The following TRAPPC9 variants were observed in gnomAD, a reference collection of about 807,000 sequenced individuals.
The protein encoded by TRAPPC9 is trafficking protein particle complex subunit 9.
TRAPPC9 carries 83 observed loss-of-function variants against 124.0 expected under a neutral mutation model. The observed-to-expected ratio is 0.67, with a 90% CI of 0.56 to 0.80. The LOEUF (loss-of-function observed/expected upper bound fraction) is 0.80, where lower values mean the gene tolerates loss of function less well. TRAPPC9 is among the 30% of genes least tolerant of loss of function. The pLI is 0.00. For missense variants in TRAPPC9, 1,302 were observed against 1,508.3 expected, an observed-to-expected ratio of 0.86 and a Z score of 2.27; for synonymous variants, 638 against 617.5, an observed-to-expected ratio of 1.03 and a Z score of -0.49.
At chr8:139,929,536 G>A (rs997764955) in intron 19 of TRAPPC9, among the ~76,000 whole-genome samples, 1 of 151,928 alleles carries the variant, frequency 6.6e-6, no homozygotes, top group Non-Finnish European at 1.5e-5. Context: ...AAAAAAAGCT[G>A]AGCTGTCCTG....
intron 17 of TRAPPC9, among the ~76,000 whole-genome samples, chr8:140,141,363 T>TA (rs1424068643): frequency 6.6e-6 from 1 of 152,238 alleles, no homozygotes; most frequent in African/African-American, 2.4e-5. Flanking sequence ...ATCCACACTG[T>TA]AGACACTCTC....
At chr8:139,941,552 C>T (rs1336360960) in intron 19 of TRAPPC9, among the ~76,000 whole-genome samples, 6 of 152,212 alleles carry the variant, frequency 3.9e-5, no homozygotes, top group Admixed American at 1.3e-4. Flanking sequence ...TCCTGTTTAG[C>T]CTTAACAAAG....
At chr8:140,072,254 G>C (rs1362504334) in intron 17 of TRAPPC9, among the ~76,000 whole-genome samples, 2 of 152,204 alleles carry the variant, frequency 1.3e-5, no homozygotes, top group African/African-American at 2.4e-5. Context: ...TGAAGAGGCA[G>C]CCGGGCACAG....
At chr8:140,221,847 A>G (rs555729693) in intron 16 of TRAPPC9, among the ~76,000 whole-genome samples, 1 of 152,282 alleles carries the variant, frequency 6.6e-6, no homozygotes, top group Admixed American at 6.5e-5. Context: ...CACGTTGCCC[A>G]GGCTGGTTTT....
intron 21 of TRAPPC9, among the ~76,000 whole-genome samples, chr8:139,760,806 C>A (rs1026393997): frequency 6.6e-6 from 1 of 152,226 alleles, no homozygotes; most frequent in Non-Finnish European, 1.5e-5. Flanking sequence ...GTGAGACCCA[C>A]TCACTATGAT....
At chr8:140,283,800 G>A in intron 14 of TRAPPC9, 89 bp downstream of exon 14, 1 of 1,399,238 alleles carries the variant, frequency 7.1e-7, no homozygotes, top group South Asian at 1.2e-5. Flanking sequence ...AAGAATTACA[G>A]GCTCTTTGTG....
chr8:140,266,871 A>C (rs181404633), intron 15 of TRAPPC9, among the ~76,000 whole-genome samples: 17 of 151,972 alleles, frequency 1.1e-4, no homozygotes, highest in South Asian at 8.3e-4. Flanking sequence ...ACAACAACAA[A>C]AAAAAACCCA....
chr8:140,044,394 A>G (rs1841456106), intron 17 of TRAPPC9, among the ~76,000 whole-genome samples: 1 of 152,216 alleles, frequency 6.6e-6, no homozygotes, highest in Non-Finnish European at 1.5e-5. Flanking sequence ...TGGGCCGGTA[A>G]AGAAACCGTG....
intron 22 of TRAPPC9, 37 bp from the exon 23 acceptor site, chr8:139,731,265 G>A (rs748756924): frequency 1.8e-5 from 29 of 1,608,204 alleles, no homozygotes; most frequent in African/African-American, 2.7e-5. Context: ...AGTCTGGTCA[G>A]CAGCAGGGGC....
intron 17 of TRAPPC9, among the ~76,000 whole-genome samples, chr8:140,188,104 C>T (rs2062392412): frequency 6.6e-6 from 1 of 152,194 alleles, no homozygotes; most frequent in Non-Finnish European, 1.5e-5. Context: ...CCATCCTGGC[C>T]TCCCAGAGAT....
intron 17 of TRAPPC9, among the ~76,000 whole-genome samples, chr8:140,036,719 C>G (rs1319827139): frequency 6.6e-6 from 1 of 152,126 alleles, no homozygotes; most frequent in East Asian, 1.9e-4. Flanking sequence ...GAGCAGGGAG[C>G]CCATCTGTCC....
At chr8:140,391,487 T>G (rs1588270007) in intron 7 of TRAPPC9, among the ~76,000 whole-genome samples, 1 of 151,754 alleles carries the variant, frequency 6.6e-6, no homozygotes, top group Admixed American at 6.6e-5. Flanking sequence ...CCAAGGCAGG[T>G]GGATCACCTA....
Position 139,730,670 on chromosome 8 carries a change from T to C in TRAPPC9, c.*391A>G, listed in dbSNP as rs781519625. 2 of 239,792 alleles carry C rather than the reference T, an allele frequency of 8.3e-6. No homozygotes were observed. Among genetic ancestry groups the C allele is most frequent in the Non-Finnish European group, 1.6e-5 (2 of 121,796 alleles). The allele number at this position is 239,792 out of a possible 1,614,324, so 14.9% of individuals were successfully genotyped here. A position where few individuals can be genotyped will look rare whatever the true frequency, so the allele number is the denominator to read the frequency against. On this transcript the variant is annotated 3_prime_UTR_variant, in exon 23 of 23. Transcript: ENST00000438773. ...GTCTCATGCTCACCATTTCTTTCTA[T>C]GGCCAAAGGGAAGTCGCTGGACGAG... is the stretch of plus-strand genomic sequence containing the variant.
chr8:139,748,698 C>T (rs1819120888), intron 21 of TRAPPC9, among the ~76,000 whole-genome samples: 1 of 152,032 alleles, frequency 6.6e-6, no homozygotes, highest in Non-Finnish European at 1.5e-5. Context: ...CGCAGCCTCT[C>T]CTCCCTGGAA....
rs1563823943 is a variant in TRAPPC9 at position 139,801,032 on chromosome 8, T to TACCTTCCCTCCCTCCGGC, written c.3056-68848_3056-68831dup. 2.2e-3 allele frequency among the ~76,000 whole-genome samples: 302 copies of TACCTTCCCTCCCTCCGGC among 140,362 alleles called. 3 individuals are homozygous for TACCTTCCCTCCCTCCGGC. Among genetic ancestry groups the TACCTTCCCTCCCTCCGGC allele is most frequent in the African/African-American group, 6.8e-3 (240 of 35,314 alleles). 92.1% of individuals were successfully genotyped at this position (140,362 alleles called of 152,430 possible). A position where few individuals can be genotyped will look rare whatever the true frequency, so the allele number is the denominator to read the frequency against. ...CCTCCGGCATCTTCCCTCCCTCCGG[T>TACCTTCCCTCCCTCCGGC]ACCTTCCCTCCCTCCGGCACCTTCC... is the stretch of plus-strand genomic sequence containing the variant. On this transcript the variant is annotated intron_variant, in intron 21 of 22. Coordinates refer to ENST00000438773, the MANE Select transcript of TRAPPC9 (RefSeq NM_001160372.4).
chr8:140,392,451 C>T (rs1417418388), intron 7 of TRAPPC9, among the ~76,000 whole-genome samples: 2 of 152,234 alleles, frequency 1.3e-5, no homozygotes, highest in Non-Finnish European at 2.9e-5. Flanking sequence ...GTCTACAAGG[C>T]AGAACATGTT....
chr8:140,144,464 TTTCATTCATTCATTCA>T lies in TRAPPC9; in HGVS notation c.2556+76979_2556+76994del, dbSNP rs67174670. 4.1e-4 allele frequency among the ~76,000 whole-genome samples: 61 copies of T among 150,510 alleles called. 1 individual carries two copies. The highest frequency in any genetic ancestry group is 1.1e-3 in the South Asian group (5 of 4,718). On this transcript the variant is annotated intron_variant, in intron 17 of 22. Transcript: ENST00000438773. Reference sequence around the variant, plus strand: ...GGCTAATGAATGAGACTATTTTTCTTTTCATTCATTCATTCATTCATTCATTCATTCATTCATTCAT... The same window carrying T: ...GGCTAATGAATGAGACTATTTTTCTTTTCATTCATTCATTCATTCATTCAT...
intron 21 of TRAPPC9, among the ~76,000 whole-genome samples, chr8:139,810,538 T>C (rs1409572781): frequency 1.3e-5 from 2 of 152,242 alleles, no homozygotes; most frequent in Non-Finnish European, 2.9e-5. Flanking sequence ...CCCTGAGAGC[T>C]GGCTGTTAAA....
intron 21 of TRAPPC9, among the ~76,000 whole-genome samples, chr8:139,882,969 G>A (rs190947168): frequency 1.4e-4 from 22 of 152,318 alleles, no homozygotes; most frequent in Admixed American, 7.2e-4. Flanking sequence ...AGGGTGCTAC[G>A]GATTGAATGT....
Sources: allele counts gnomAD v4.1 joint callset (sites outside exome capture counted in the v4.1 genomes callset), GRCh38; gene constraint gnomAD v4.1.1; transcripts MANE v1.5; gene names NCBI Gene and HGNC (gene_info 2026-07-23, HGNC 2026-07-21).